The following PRKG1 variants were observed in gnomAD, a reference collection of about 807,000 sequenced individuals.
PRKG1 encodes protein kinase cGMP-dependent 1.
PRKG1 carries 35 observed loss-of-function variants against 88.1 expected under a neutral mutation model. That is an observed-to-expected ratio of 0.40 (90% CI 0.30 to 0.53). PRKG1 has a LOEUF of 0.53. Ranked by LOEUF, PRKG1 falls within the 20% of genes least tolerant of loss-of-function variation. The pLI is 0.59. For missense variants in PRKG1, 540 were observed against 839.8 expected (o/e 0.64, Z 4.41); for synonymous variants, 303 against 292.5 (o/e 1.04, Z -0.37).
At chr10:51,205,651 T>G (rs913968392) in intron 2 of PRKG1, among the ~76,000 whole-genome samples, 2 of 151,982 alleles carry the variant, frequency 1.3e-5, no homozygotes, top group African/African-American at 4.8e-5. Context: ...TTCTCCTGCC[T>G]CAGCCTCCTG....
At chr10:52,137,564 T>C (rs1837461862) in intron 8 of PRKG1, among the ~76,000 whole-genome samples, 1 of 152,080 alleles carries the variant, frequency 6.6e-6, no homozygotes, top group South Asian at 2.1e-4. Flanking sequence ...GATGCTGAAG[T>C]CCCTCAATAT....
Position 51,075,964 on chromosome 10 carries a change from TCTA to T in PRKG1, c.311+1070_311+1072del, listed in dbSNP as rs565138783. Among the ~76,000 whole-genome samples the T allele has an allele frequency of 2.7e-3, 418 of 152,362 alleles. 1 individual carries two copies. The highest frequency in any genetic ancestry group is 9.5e-3 in the African/African-American group (396 of 41,580). On this transcript the variant is annotated intron_variant, in intron 1 of 17. Coordinates refer to ENST00000373980, the MANE Select transcript of PRKG1 (RefSeq NM_006258.4). ...TAAAACCAAGGATATTGCTGCTTACTCTACTACTAACGAAATCACATTGGCTGG... is the reference window on the plus strand; with the variant it reads ...TAAAACCAAGGATATTGCTGCTTACTCTACTAACGAAATCACATTGGCTGG...
At chr10:50,996,083 A>C (rs905853606) in intron 1 of PRKG1, among the ~76,000 whole-genome samples, 4 of 152,342 alleles carry the variant, frequency 2.6e-5, no homozygotes, top group African/African-American at 9.6e-5. Context: ...TTATTAACTG[A>C]TCATGTGGAA....
intron 3 of PRKG1, among the ~76,000 whole-genome samples, chr10:51,540,466 G>T (rs971103553): frequency 6.6e-6 from 1 of 151,962 alleles, no homozygotes; most frequent in Non-Finnish European, 1.5e-5. Flanking sequence ...TGATGACATC[G>T]TATCTTTAGG....
intron 3 of PRKG1, among the ~76,000 whole-genome samples, chr10:51,762,625 GT>G (rs1452906673): frequency 6.6e-6 from 1 of 152,072 alleles, no homozygotes; most frequent in Admixed American, 6.6e-5. Flanking sequence ...ACCTAGGAGT[GT>G]TTAAAAACAT....
intron 3 of PRKG1, among the ~76,000 whole-genome samples, chr10:51,563,088 A>G (rs1837512428): frequency 6.6e-6 from 1 of 152,050 alleles, no homozygotes; most frequent in South Asian, 2.1e-4. Flanking sequence ...CCAGCATCAT[A>G]CTTTAGATTC....
intron 2 of PRKG1, among the ~76,000 whole-genome samples, chr10:51,331,785 C>T (rs1158273895): frequency 6.6e-6 from 1 of 152,166 alleles, no homozygotes; most frequent in African/African-American, 2.4e-5. Flanking sequence ...TCTTTCTCTG[C>T]CCCCTAATCT....
chr10:51,617,009 C>T (rs959361798), intron 3 of PRKG1, among the ~76,000 whole-genome samples: 3 of 152,124 alleles, frequency 2.0e-5, no homozygotes, highest in African/African-American at 7.2e-5. Flanking sequence ...CTTGGTGTAG[C>T]AGCTTAGTTC....
At chr10:51,091,718 A>G (rs541608847) in intron 1 of PRKG1, among the ~76,000 whole-genome samples, 1 of 152,302 alleles carries the variant, frequency 6.6e-6, no homozygotes, top group East Asian at 1.9e-4. Context: ...AGCAGTAACA[A>G]CAGCAGTAGT....
At chr10:51,108,503 C>CA (rs1564603331) in intron 1 of PRKG1, among the ~76,000 whole-genome samples, 1 of 151,844 alleles carries the variant, frequency 6.6e-6, no homozygotes. Flanking sequence ...ACAAGCAAAA[C>CA]AAAAACAAAA....
intron 9 of PRKG1, among the ~76,000 whole-genome samples, chr10:52,223,989 A>G (rs1037432224): frequency 4.9e-4 from 74 of 152,166 alleles, no homozygotes; most frequent in African/African-American, 1.7e-3. Context: ...TTATCTTCAT[A>G]TTTCTGCCTT....
intron 3 of PRKG1, among the ~76,000 whole-genome samples, chr10:51,770,824 T>A (rs916681119): frequency 1.1e-4 from 17 of 152,206 alleles, no homozygotes; most frequent in African/African-American, 4.1e-4. Flanking sequence ...TGGGAACTAC[T>A]GCTATAAGAG....
At chr10:51,621,001 ATATG>A (rs1278466742) in intron 3 of PRKG1, among the ~76,000 whole-genome samples, 7 of 71,912 alleles carry the variant, frequency 9.7e-5, no homozygotes, top group African/African-American at 2.4e-4. Flanking sequence ...GTGTGTGTGT[ATATG>A]TGTGTATATA....
Position 51,765,713 on chromosome 10 carries a change from C to G in PRKG1, c.593-38872C>G, listed in dbSNP as rs183924392. The stretch of plus-strand genomic sequence containing the variant: ...CCTATTTTCAATCTACCTCCATAGT[C>G]AACTGAAGTAACACTTTGGTGAAGC... On this transcript the variant is annotated intron_variant, in intron 3 of 17. Transcript: ENST00000373980. 5.3e-5 allele frequency among the ~76,000 whole-genome samples: 8 copies of G among 152,160 alleles called. No homozygotes were observed. The South Asian group carries it at 1.2e-3, about 24-fold the overall frequency.
chr10:52,087,245 C>T (rs527492742), intron 7 of PRKG1, among the ~76,000 whole-genome samples: 5 of 152,260 alleles, frequency 3.3e-5, no homozygotes, highest in Admixed American at 2.6e-4. Flanking sequence ...TGGATAAGAA[C>T]TGTTATCTCA....
intron 2 of PRKG1, among the ~76,000 whole-genome samples, chr10:51,234,725 T>C (rs1183234765): frequency 6.6e-6 from 1 of 152,200 alleles, no homozygotes; most frequent in African/African-American, 2.4e-5. Context: ...CCTTTTTTTG[T>C]ATTTTTTTCC....
upstream of PRKG1, among the ~76,000 whole-genome samples, chr10:51,072,737 AT>A (rs1843850267): frequency 6.6e-6 from 1 of 152,144 alleles, no homozygotes. Context: ...ATAAAAGAAT[AT>A]TTAGGACTAT....
chr10:51,770,889 T>C (rs771640952), intron 3 of PRKG1, among the ~76,000 whole-genome samples: 6 of 152,204 alleles, frequency 3.9e-5, no homozygotes, highest in Non-Finnish European at 7.4e-5. Context: ...CATGTATTGC[T>C]TAACAAGAGG....
At chr10:52,033,904 G>A (rs1276782273) in intron 5 of PRKG1, among the ~76,000 whole-genome samples, 4 of 151,684 alleles carry the variant, frequency 2.6e-5, no homozygotes, top group African/African-American at 9.7e-5. Context: ...ATTTGGGTAG[G>A]TAAAGGAAAA....
Sources: allele counts gnomAD v4.1 joint callset (sites outside exome capture counted in the v4.1 genomes callset), GRCh38; gene constraint gnomAD v4.1.1; transcripts MANE v1.5; gene names NCBI Gene and HGNC (gene_info 2026-07-23, HGNC 2026-07-21).